Variants in LRP1B observed in about 807,000 individuals in gnomAD.
LRP1B encodes the protein low-density lipoprotein receptor-related protein 1B.
A neutral mutation model predicts 556.6 loss-of-function variants in LRP1B; 217 were observed. The ratio of observed to expected loss-of-function variants is 0.39; its 90% CI spans 0.35 to 0.44. The LOEUF is 0.44. LRP1B is among the 20% of genes least tolerant of loss of function. LRP1B has a pLI of 1.00. For synonymous variants in LRP1B, 2,047 were observed against 1,865.8 expected, an observed-to-expected ratio of 1.10 and a Z score of -2.50; for missense variants, 5,053 against 5,620.8, an observed-to-expected ratio of 0.90 and a Z score of 3.23.
rs184963881 is a variant in LRP1B at position 140,476,304 on chromosome 2, G to A, written c.9426-967C>T. Among the ~76,000 whole-genome samples, 199 of 146,196 alleles carry A rather than the reference G, an allele frequency of 1.4e-3. 2 individuals are homozygous for A. Among genetic ancestry groups the A allele is most frequent in the African/African-American group, 4.9e-3 (194 of 39,772 alleles). On this transcript the variant is annotated intron_variant, in intron 59 of 90. Transcript: ENST00000389484. ...CTGAAATTAAAATCTGTTAACACAA[G>A]TAGATTTTTCTCTATTTCATTCTTT...
At chr2:141,225,001 A>G (rs1181604473) in intron 6 of LRP1B, among the ~76,000 whole-genome samples, 5 of 152,160 alleles carry the variant, frequency 3.3e-5, no homozygotes, top group Non-Finnish European at 7.4e-5. Flanking sequence ...AAGATAAAAA[A>G]TTGTCAGAAT....
chr2:141,604,247 C>T (rs1687842654), intron 2 of LRP1B, among the ~76,000 whole-genome samples: 1 of 152,036 alleles, frequency 6.6e-6, no homozygotes, highest in Non-Finnish European at 1.5e-5. Context: ...AATGGTTGGT[C>T]AGATAAGACA....
intron 2 of LRP1B, among the ~76,000 whole-genome samples, chr2:141,795,901 A>G (rs1024939466): frequency 9.5e-4 from 22 of 23,266 alleles, no homozygotes; most frequent in East Asian, 2.2e-3. Context: ...TATATATATA[A>G]TCTTTAAGCA....
intron 2 of LRP1B, among the ~76,000 whole-genome samples, chr2:141,521,198 C>A (rs557626086): frequency 6.6e-6 from 1 of 152,170 alleles, no homozygotes; most frequent in South Asian, 2.1e-4. Flanking sequence ...GGGTCTGACC[C>A]TTTATAAAAC....
At chr2:140,600,707 G>A (rs560486974) in intron 42 of LRP1B, among the ~76,000 whole-genome samples, 1 of 145,290 alleles carries the variant, frequency 6.9e-6, no homozygotes, top group South Asian at 2.2e-4. Flanking sequence ...TATTGTATAT[G>A]AGAGTGAAAG....
intron 3 of LRP1B, among the ~76,000 whole-genome samples, chr2:141,390,392 C>T (rs1300328825): frequency 1.3e-5 from 2 of 152,110 alleles, no homozygotes; most frequent in Admixed American, 1.3e-4. Context: ...GTTTGGCACT[C>T]CCTCAAAAAC....
At chr2:141,590,940 T>C (rs1375727053) in intron 2 of LRP1B, among the ~76,000 whole-genome samples, 1 of 152,130 alleles carries the variant, frequency 6.6e-6, no homozygotes, top group Non-Finnish European at 1.5e-5. Context: ...GACACAAACA[T>C]ATCTTTTTTA....
At chr2:141,068,904 T>C (rs1699557494) in intron 7 of LRP1B, among the ~76,000 whole-genome samples, 1 of 152,152 alleles carries the variant, frequency 6.6e-6, no homozygotes, top group Admixed American at 6.6e-5. Flanking sequence ...CACAAGTAAA[T>C]CTCATAACCC....
intron 68 of LRP1B, among the ~76,000 whole-genome samples, chr2:140,377,272 TCAC>T (rs1323666177): frequency 2.0e-5 from 3 of 152,116 alleles, no homozygotes; most frequent in African/African-American, 7.2e-5. Context: ...AGACAGGGTT[TCAC>T]CATGTTGGCC....
At chr2:141,171,875 T>C (rs1166220880) in intron 7 of LRP1B, among the ~76,000 whole-genome samples, 2 of 152,114 alleles carry the variant, frequency 1.3e-5, no homozygotes, top group East Asian at 3.9e-4. Flanking sequence ...TAATGATTGG[T>C]CTAAAGTAAA....
At chr2:140,633,829 C>A (rs929407022) in intron 41 of LRP1B, among the ~76,000 whole-genome samples, 2 of 152,092 alleles carry the variant, frequency 1.3e-5, no homozygotes, top group South Asian at 2.1e-4. Context: ...AGAAAGAAAG[C>A]ACCAGATCCA....
chr2:140,716,190 C>A, intron 36 of LRP1B, 88 bp from the exon 37 acceptor site: 2 of 942,702 alleles, frequency 2.1e-6, no homozygotes, highest in Non-Finnish European at 3.1e-6. Flanking sequence ...TGAGCATTCA[C>A]ATAACTATCA....
At chr2:141,798,191 G>T (rs1386334755) in intron 2 of LRP1B, among the ~76,000 whole-genome samples, 1 of 152,122 alleles carries the variant, frequency 6.6e-6, no homozygotes, top group Non-Finnish European at 1.5e-5. Flanking sequence ...AAATGTATGC[G>T]TGATGTGAAC....
In LRP1B at chr2:140,240,801, A is replaced by G. The variant is rs1324066750; in HGVS notation, c.13325-1269T>C. On this transcript the variant is annotated intron_variant, in intron 87 of 90. Transcript: ENST00000389484. ...AATTCTGAAAGTCTATGAATTTTTC[A>G]GGCAAATACATGTGCATGTGAAAGT... 3.3e-5 allele frequency among the ~76,000 whole-genome samples: 5 copies of G among 150,962 alleles called. No homozygotes were observed. In the East Asian group the frequency reaches 9.8e-4, roughly 29 times the overall value.
At chr2:141,795,550 T>C (rs1263204442) in intron 2 of LRP1B, among the ~76,000 whole-genome samples, 4 of 151,894 alleles carry the variant, frequency 2.6e-5, no homozygotes, top group Admixed American at 2.6e-4. Context: ...TGTTATTATT[T>C]TGATAAATAA....
intron 6 of LRP1B, among the ~76,000 whole-genome samples, chr2:141,200,189 G>A (rs1012129384): frequency 6.6e-6 from 1 of 152,036 alleles, no homozygotes; most frequent in African/African-American, 2.4e-5. Context: ...GCTCATCACT[G>A]GTAGACTAGA....
chr2:141,118,305 C>T (rs1700957135), intron 7 of LRP1B, among the ~76,000 whole-genome samples: 1 of 151,844 alleles, frequency 6.6e-6, no homozygotes, highest in African/African-American at 2.4e-5. Flanking sequence ...TTTATCACAT[C>T]TTATTACAAA....
At chr2:141,370,529 T>C (rs543036660) in intron 3 of LRP1B, among the ~76,000 whole-genome samples, 2 of 152,300 alleles carry the variant, frequency 1.3e-5, no homozygotes, top group South Asian at 2.1e-4. Flanking sequence ...GTTTGGGTTC[T>C]TCGTAAATCC....
rs570225273 is a variant in LRP1B, at chr2:141,540,262, A to T, written c.206-59729T>A. The stretch of plus-strand genomic sequence containing the variant: ...AAAGAAGCCAATGTGAAAATTTAAC[A>T]CATTAGGGAGTATGCAAGTCATTTT... On this transcript the variant is annotated intron_variant, in intron 2 of 90. Coordinates refer to ENST00000389484, the MANE Select transcript of LRP1B (RefSeq NM_018557.3). 3.0e-3 allele frequency among the ~76,000 whole-genome samples: 455 copies of T among 151,938 alleles called. 1 individual carries two copies. Among genetic ancestry groups the T allele is most frequent in the South Asian group, 5.4e-3 (26 of 4,800 alleles).
Sources: gnomAD v4.1 joint callset for allele counts (sites outside exome capture counted in the v4.1 genomes callset) on GRCh38, gnomAD v4.1.1 for gene constraint, MANE v1.5 for transcripts, NCBI Gene and HGNC (gene_info 2026-07-23, HGNC 2026-07-21) for gene names.